The following ATF3 variants were observed in gnomAD, a reference collection of about 807,000 sequenced individuals.
ATF3 encodes activating transcription factor 3.
In ATF3, 10 loss-of-function variants were observed where a neutral mutation model predicts 18.4. The observed-to-expected ratio is 0.54, with a 90% CI of 0.34 to 0.92. ATF3 has a LOEUF of 0.92. Ranked by LOEUF, ATF3 falls within the 40% of genes least tolerant of loss-of-function variation. The pLI, the probability that ATF3 is intolerant of heterozygous loss-of-function variation, is 0.02. For missense variants in ATF3, 183 were observed against 222.3 expected (o/e 0.82, Z 1.12); for synonymous variants, 78 against 87.9 (o/e 0.89, Z 0.63).
intron 1 of ATF3, among the ~76,000 whole-genome samples, chr1:212,588,960 G>A (rs984904969): frequency 2.0e-5 from 3 of 152,030 alleles, no homozygotes; most frequent in Non-Finnish European, 4.4e-5. Flanking sequence ...TAGCTTTTTT[G>A]TGTGAATATG....
rs560256462 is a variant in ATF3 at position 212,616,397 on chromosome 1, A to G, written c.240+1136A>G. ...CTGCAACCTCTGCCTCCCAGGTTCAAGGGATTCTCATGCCTCAGTCTTCCA... is the reference window on the plus strand; with the variant it reads ...CTGCAACCTCTGCCTCCCAGGTTCAGGGGATTCTCATGCCTCAGTCTTCCA... On this transcript the variant is annotated intron_variant, in intron 2 of 3. Coordinates refer to ENST00000341491, the MANE Select transcript of ATF3 (RefSeq NM_001674.4). 2.0e-5 allele frequency among the ~76,000 whole-genome samples: 3 copies of G among 152,206 alleles called. No homozygotes were observed. The East Asian group carries it at 5.8e-4, about 29-fold the overall frequency.
Position 212,576,571 on chromosome 1 carries a change from A to G in ATF3, c.-5+11088A>G, listed in dbSNP as rs181619972. Among the ~76,000 whole-genome samples the G allele has an allele frequency of 7.9e-4, 120 of 151,550 alleles. 1 individual carries two copies. The highest frequency in any genetic ancestry group is 2.9e-3 in the African/African-American group (118 of 41,360). On this transcript the variant is annotated intron_variant, in intron 1 of 3. Coordinates refer to the ATF3 transcript ENST00000366981. ...TTTGCTTTTACTGATTTTTTTTCTT[A>G]AGTAGAACTCTACTTGTCCTTTTGA...
intron 1 of ATF3, among the ~76,000 whole-genome samples, chr1:212,586,723 T>C (rs68028120): frequency 0.12 from 18,085 of 152,166 alleles, 2,057 homozygotes; most frequent in African/African-American, 0.3. Flanking sequence ...ACATGTGAAG[T>C]GCTGAGCTGG....
At chr1:212,606,870 G>A (rs1401095488), upstream of ATF3, among the ~76,000 whole-genome samples, 2 of 152,176 alleles carry the variant, frequency 1.3e-5, no homozygotes, top group African/African-American at 4.8e-5. Context: ...CACTCCAGCG[G>A]GAGGGCGGGT....
intron 2 of ATF3, among the ~76,000 whole-genome samples, chr1:212,616,061 C>A (rs1390350619): frequency 6.6e-6 from 1 of 151,704 alleles, no homozygotes; most frequent in African/African-American, 2.4e-5. Flanking sequence ...GAAGAAGCCA[C>A]GTGGGTATCT....
In ATF3 at chr1:212,608,790, A is replaced by G. The variant is rs1398371965; in HGVS notation, c.-145A>G. The G allele has an allele frequency of 1.3e-5, 2 of 152,382 alleles. No individual in the cohort carries two copies. Among genetic ancestry groups the G allele is most frequent in the Admixed American group, 6.5e-5 (1 of 15,286 alleles). The allele number at this position is 152,382 out of a possible 1,614,324, so 9.4% of individuals were successfully genotyped here. A position where few individuals can be genotyped will look rare whatever the true frequency, so the allele number is the denominator to read the frequency against. Reference sequence around the variant, plus strand: ...TCGCACGCAGCCAGGCGCGCACTGCACAGCTCTCTTCTCTCGCCGCCGCCC... The same window carrying G: ...TCGCACGCAGCCAGGCGCGCACTGCGCAGCTCTCTTCTCTCGCCGCCGCCC... On this transcript the variant is annotated 5_prime_UTR_variant, in exon 1 of 4. Transcript: ENST00000341491.
At chr1:212,588,453 T>C (rs544603224) in intron 1 of ATF3, among the ~76,000 whole-genome samples, 5 of 152,156 alleles carry the variant, frequency 3.3e-5, no homozygotes, top group African/African-American at 1.2e-4. Flanking sequence ...ACAAAGAGCT[T>C]TGGAGTCTCT....
chr1:212,595,338 C>G (rs908650852), intron 1 of ATF3, among the ~76,000 whole-genome samples: 11 of 152,152 alleles, frequency 7.2e-5, no homozygotes, highest in African/African-American at 2.7e-4. Flanking sequence ...TTGGCTCTAA[C>G]CTTTTTCTCC....
chr1:212,595,436 G>A (rs181224802), intron 1 of ATF3, among the ~76,000 whole-genome samples: 4 of 152,264 alleles, frequency 2.6e-5, no homozygotes, highest in Non-Finnish European at 4.4e-5. Context: ...GCCCCAGCCC[G>A]GTGCTCCCGC....
At chr1:212,606,657 GA>G (rs1391288508), upstream of ATF3, among the ~76,000 whole-genome samples, 37 of 152,334 alleles carry the variant, frequency 2.4e-4, no homozygotes, top group African/African-American at 8.2e-4. Context: ...TTTCACAGCA[GA>G]AAGAGTAAAA....
chr1:212,588,958 T>C (rs928893244), intron 1 of ATF3, among the ~76,000 whole-genome samples: 5 of 152,350 alleles, frequency 3.3e-5, no homozygotes, highest in Admixed American at 6.5e-5. Context: ...TATAGCTTTT[T>C]TGTGTGAATA....
chr1:212,609,252 C>G (rs1208269765), intron 1 of ATF3, among the ~76,000 whole-genome samples: 3 of 152,022 alleles, frequency 2.0e-5, no homozygotes, highest in Non-Finnish European at 2.9e-5. Flanking sequence ...CTGGCTTGCC[C>G]GGCTGGGAGA....
At chr1:212,571,014 A>G (rs952850466) in intron 1 of ATF3, among the ~76,000 whole-genome samples, 43 of 152,198 alleles carry the variant, frequency 2.8e-4, no homozygotes, top group African/African-American at 9.9e-4. Flanking sequence ...GGATAGATGT[A>G]TATTTCATTT....
upstream of ATF3, among the ~76,000 whole-genome samples, chr1:212,607,907 G>GT (rs995679539): frequency 6.6e-5 from 9 of 136,820 alleles, no homozygotes; most frequent in Admixed American, 1.4e-4. Context: ...CTTTGTGATT[G>GT]TAAAAAAAAA....
At chr1:212,583,455 T>C (rs1664722728) in intron 1 of ATF3, among the ~76,000 whole-genome samples, 1 of 152,202 alleles carries the variant, frequency 6.6e-6, no homozygotes. Flanking sequence ...GACTATTAAC[T>C]GAGGCTTGGG....
At chr1:212,613,300 C>T (rs973424407) in intron 1 of ATF3, 2 of 152,118 alleles carry the variant, frequency 1.3e-5, no homozygotes, top group African/African-American at 4.8e-5. Context: ...AGGCCTGCCC[C>T]GAGAAAATTT....
rs189507728 is a variant in ATF3, at chr1:212,570,804, T to C, written c.-5+5321T>C. Among the ~76,000 whole-genome samples the C allele has an allele frequency of 7.2e-5, 11 of 152,370 alleles. No homozygotes were observed. The East Asian group carries it at 2.1e-3, about 29-fold the overall frequency. On this transcript the variant is annotated intron_variant, in intron 1 of 3. Coordinates refer to the ATF3 transcript ENST00000366981. ...TTGGTGAGCTTCAGGAATTTGTGTC[T>C]TTGTTACTAAAAGTAAGCTTTCATT...
At position 212,615,246 on chromosome 1, in the gene ATF3, C is replaced by T; in HGVS notation, c.225C>T (p.Ser75=). Residue 75 remains serine, a synonymous_variant, in exon 2 of 4, where the codon TCC becomes TCT. Coordinates refer to ENST00000341491, the MANE Select transcript of ATF3 (RefSeq NM_001674.4). ...TCAGCGACAGACCCCTCGGGGTGTC[C>T]ATCACAAAAGCCGAGGTGGGTTCTA... ...VTVSDRPLGV[S]ITKAEVAPEE... 6.2e-7 allele frequency: 1 copy of T among 1,612,030 alleles called. No individual in the cohort carries two copies.
upstream of ATF3, among the ~76,000 whole-genome samples, chr1:212,607,944 C>G (rs929061677): frequency 6.6e-6 from 1 of 152,212 alleles, no homozygotes; most frequent in Non-Finnish European, 1.5e-5. Context: ...GGTCCTACCA[C>G]TCGCCCTAGT....
Sources: allele counts gnomAD v4.1 joint callset (sites outside exome capture counted in the v4.1 genomes callset), GRCh38; gene constraint gnomAD v4.1.1; transcripts MANE v1.5; gene names NCBI Gene and HGNC (gene_info 2026-07-23, HGNC 2026-07-21).